DMD: variants seen among roughly 807,000 people sequenced by gnomAD.
DMD encodes dystrophin.
In DMD, 63 loss-of-function variants were observed where a neutral mutation model predicts 330.1. The ratio of observed to expected loss-of-function variants is 0.19; its 90% CI spans 0.16 to 0.24. The LOEUF is 0.24. Ranked by LOEUF, DMD falls within the 10% of genes least tolerant of loss-of-function variation. DMD has a pLI of 1.00. For missense variants in DMD, 3,344 were observed against 2,684.1 expected, an observed-to-expected ratio of 1.25 and a Z score of -5.43; for synonymous variants, 1,223 against 959.8, an observed-to-expected ratio of 1.27 and a Z score of -5.07.
chrX:32,615,601 A>G (rs146151695), intron 11 of DMD, among the ~76,000 whole-genome samples: 3,305 of 111,741 alleles, frequency 0.03, 55 homozygotes, highest in Middle Eastern at 0.055. Context: ...TGAATTAGGA[A>G]TATGTTATTT....
intron 44 of DMD, among the ~76,000 whole-genome samples, chrX:32,011,431 T>G (rs2095707698): frequency 9.0e-6 from 1 of 111,533 alleles, no homozygotes; most frequent in African/African-American, 3.3e-5. Context: ...CATGTCCCCC[T>G]GGGAACTACA....
At position 31,890,371 on chromosome X, in the gene DMD, AG is replaced by A. The variant is rs1468167396; in HGVS notation, c.6913-14999del. 3.2e-3 allele frequency among the ~76,000 whole-genome samples: 341 copies of A among 105,454 alleles called. 1 individual carries two copies. Among genetic ancestry groups the A allele is most frequent in the African/African-American group, 0.01 (296 of 28,960 alleles). 91.6% of individuals were successfully genotyped at this position (105,454 alleles called of 115,157 possible). A position where few individuals can be genotyped will look rare whatever the true frequency, so the allele number is the denominator to read the frequency against. On this transcript the variant is annotated intron_variant, in intron 47 of 78. Coordinates refer to ENST00000357033, the MANE Select transcript of DMD (RefSeq NM_004006.3). ...CAAAAAAAACAAAACAAAAAAAAAA[AG>A]AAGAAGAAAGAAAGAAAGAAAAAAG...
chrX:31,151,762 C>A (rs1023733210), intron 74 of DMD, among the ~76,000 whole-genome samples: 1 of 112,263 alleles, frequency 8.9e-6, no homozygotes, highest in Non-Finnish European at 1.9e-5. Context: ...GACTCACATC[C>A]TTCTTCAATT....
At chrX:31,512,728 G>A (rs1416238955) in intron 55 of DMD, among the ~76,000 whole-genome samples, 1 of 111,633 alleles carries the variant, frequency 9.0e-6, no homozygotes, top group East Asian at 2.8e-4. Flanking sequence ...TGTTGTTTTG[G>A]TTACTGTAGC....
Position 32,883,846 on chromosome X carries a change from A to G in DMD, c.94-34026T>C, listed in dbSNP as rs773673414. On this transcript the variant is annotated intron_variant, in intron 2 of 78. Coordinates refer to ENST00000357033, the MANE Select transcript of DMD (RefSeq NM_004006.3). Reference sequence around the variant, plus strand: ...TTCAAAAAAAAAAAAAAAAAAAAAAAAAAAAGAAAATGACTTCCATTTTAT... The same window carrying G: ...TTCAAAAAAAAAAAAAAAAAAAAAAGAAAAAGAAAATGACTTCCATTTTAT... 4.3e-3 allele frequency among the ~76,000 whole-genome samples: 434 copies of G among 101,967 alleles called. 8 individuals carry two copies. In the East Asian group the frequency reaches 0.06, roughly 14 times the overall value. 88.5% of individuals were successfully genotyped at this position (101,967 alleles called of 115,157 possible). A position where few individuals can be genotyped will look rare whatever the true frequency, so the allele number is the denominator to read the frequency against.
intron 44 of DMD, among the ~76,000 whole-genome samples, chrX:32,130,730 G>A (rs1315453099): frequency 9.0e-6 from 1 of 111,319 alleles, no homozygotes; most frequent in Non-Finnish European, 1.9e-5. Context: ...TTAGGTATCT[G>A]CCTCTGTCAC....
chrX:32,611,112 A>C (rs1238591780), intron 12 of DMD, among the ~76,000 whole-genome samples: 1 of 110,891 alleles, frequency 9.0e-6, no homozygotes, highest in Non-Finnish European at 1.9e-5. Flanking sequence ...TTTGATGTTA[A>C]GTCACCTTCT....
intron 1 of DMD, among the ~76,000 whole-genome samples, chrX:33,078,538 T>A (rs191046167): frequency 8.9e-6 from 1 of 112,162 alleles, no homozygotes; most frequent in African/African-American, 3.2e-5. Flanking sequence ...AAGAAATAAG[T>A]TATGTTGACT....
At chrX:31,447,260 A>ATTT (rs72227601) in intron 59 of DMD, among the ~76,000 whole-genome samples, 2 of 52,483 alleles carry the variant, frequency 3.8e-5, no homozygotes, top group Admixed American at 3.1e-4. Flanking sequence ...AGATCTTGGG[A>ATTT]TTTTTTTTTT....
chrX:32,617,045 G>C (rs112422632), intron 11 of DMD, among the ~76,000 whole-genome samples: 1 of 109,545 alleles, frequency 9.1e-6, no homozygotes, highest in Non-Finnish European at 1.9e-5. Context: ...TTCATGTTTG[G>C]CTCCTCATGC....
chrX:32,969,932 G>C (rs1190099785), intron 2 of DMD, among the ~76,000 whole-genome samples: 2 of 94,679 alleles, frequency 2.1e-5, no homozygotes, highest in Admixed American at 2.1e-4. Context: ...CATAAATGAA[G>C]GGCAAACTCC....
At position 32,389,536 on chromosome X, in the gene DMD, G is replaced by C. The variant is rs748769566; in HGVS notation, c.4483C>G (p.Gln1495Glu). The C allele has an allele frequency of 9.1e-6, 11 of 1,209,443 alleles. No individual in the cohort carries two copies. Among genetic ancestry groups the C allele is most frequent in the African/African-American group, 1.7e-5 (1 of 57,145 alleles). Reference protein sequence around the residue: ...LPALETKSVEQEVVQSQLNHC... With the variant: ...LPALETKSVEEEVVQSQLNHC... ...TTTAGCTGTGACTGTACTACTTCCT[G>C]TTCCACACTCTTTGTTTCCAATGCA... Residue 1495 changes from glutamine (Q) to glutamate (E), a missense_variant, in exon 32 of 79, where the codon CAG (glutamine) becomes GAG (glutamate). Transcript: ENST00000357033.
chrX:31,512,704 T>C (rs2071753883), intron 55 of DMD, among the ~76,000 whole-genome samples: 1 of 111,887 alleles, frequency 8.9e-6, no homozygotes, highest in Admixed American at 9.5e-5. Flanking sequence ...ATCTCTGTTT[T>C]GGTACCAGTA....
intron 34 of DMD, among the ~76,000 whole-genome samples, chrX:32,376,090 A>C (rs1037211082): frequency 9.1e-6 from 1 of 110,426 alleles, no homozygotes; most frequent in African/African-American, 3.3e-5. Context: ...GACCAGCCTG[A>C]CCATCATGGT....
At chrX:31,641,939 C>T (rs991560796) in intron 54 of DMD, among the ~76,000 whole-genome samples, 2 of 111,052 alleles carry the variant, frequency 1.8e-5, no homozygotes, top group East Asian at 5.6e-4. Context: ...TATTACTTCT[C>T]GGTAAATTAA....
intron 1 of DMD, among the ~76,000 whole-genome samples, chrX:33,289,790 T>C (rs763213132): frequency 8.7e-4 from 97 of 111,816 alleles, no homozygotes; most frequent in Non-Finnish European, 1.4e-3. Flanking sequence ...AATTATATCC[T>C]GGTATTTGAT....
chrX:32,981,664 A>G (rs2092710499), intron 2 of DMD, among the ~76,000 whole-genome samples: 1 of 111,575 alleles, frequency 9.0e-6, no homozygotes, highest in African/African-American at 3.3e-5. Context: ...CTATTACTAT[A>G]ACTAAATTAT....
intron 1 of DMD, among the ~76,000 whole-genome samples, chrX:33,139,788 T>C (rs2047694906): frequency 9.4e-6 from 1 of 106,701 alleles, no homozygotes; most frequent in Non-Finnish European, 1.9e-5. Flanking sequence ...TTTGAGCCAA[T>C]TACTCTTTTC....
chrX:32,943,959 G>A (rs915118194), intron 2 of DMD, among the ~76,000 whole-genome samples: 3 of 110,895 alleles, frequency 2.7e-5, no homozygotes, highest in Admixed American at 1.9e-4. Flanking sequence ...CTTTTAGAGC[G>A]TCCCTCACCC....
Sources: gnomAD v4.1 joint callset for allele counts (sites outside exome capture counted in the v4.1 genomes callset) on GRCh38, gnomAD v4.1.1 for gene constraint, MANE v1.5 for transcripts, NCBI Gene and HGNC (gene_info 2026-07-23, HGNC 2026-07-21) for gene names.